PTCHD4: variants seen among roughly 807,000 people sequenced by gnomAD.
PTCHD4 encodes patched domain-containing protein 4.
PTCHD4 carries 33 observed loss-of-function variants against 58.1 expected under a neutral mutation model. The observed-to-expected ratio is 0.57, with a 90% CI of 0.43 to 0.76. PTCHD4 has a LOEUF of 0.76. PTCHD4 is among the 30% of genes least tolerant of loss of function. The probability of loss-of-function intolerance (pLI) is 0.00; values close to 1 mark genes in which losing one functional copy is unlikely to be tolerated. For missense variants in PTCHD4, 1,058 were observed against 1,027.1 expected (o/e 1.03, Z -0.41); for synonymous variants, 478 against 409.6 (o/e 1.17, Z -2.02).
chr6:47,994,853 G>T (rs1448664687), intron 4 of PTCHD4, among the ~76,000 whole-genome samples: 2 of 152,154 alleles, frequency 1.3e-5, no homozygotes, highest in Admixed American at 6.6e-5. Context: ...GAACACACTT[G>T]CTTCTGCTTT....
At chr6:48,047,971 T>C (rs984214495) in intron 3 of PTCHD4, among the ~76,000 whole-genome samples, 17 of 145,258 alleles carry the variant, frequency 1.2e-4, no homozygotes, top group Middle Eastern at 3.9e-3. Flanking sequence ...TTCTCTCACA[T>C]ATGAAAATGG....
At chr6:47,914,005 A>AT (rs369681583) in intron 4 of PTCHD4, among the ~76,000 whole-genome samples, 10 of 151,970 alleles carry the variant, frequency 6.6e-5, no homozygotes, top group African/African-American at 2.2e-4. Flanking sequence ...CATAATAGTG[A>AT]TTTTTTTTCT....
chr6:47,892,660 A>T (rs896517386), intron 4 of PTCHD4, among the ~76,000 whole-genome samples: 1 of 152,158 alleles, frequency 6.6e-6, no homozygotes, highest in South Asian at 2.1e-4. Flanking sequence ...AAATGGAAGG[A>T]CTCTTACTTT....
intron 4 of PTCHD4, among the ~76,000 whole-genome samples, chr6:47,984,490 A>C (rs2753187): frequency 0.97 from 147,665 of 152,222 alleles, 71,633 homozygotes; most frequent in East Asian, 1. Context: ...GTCCCTCCCT[A>C]GACATATGGG....
intron 1 of PTCHD4, among the ~76,000 whole-genome samples, chr6:48,081,535 T>C (rs1765167077): frequency 6.6e-6 from 1 of 152,112 alleles, no homozygotes; most frequent in South Asian, 2.1e-4. Flanking sequence ...GAGGATTAAG[T>C]GAAATAACAA....
intron 3 of PTCHD4, among the ~76,000 whole-genome samples, chr6:48,036,821 A>T (rs944636451): frequency 2.0e-5 from 3 of 152,174 alleles, no homozygotes; most frequent in African/African-American, 7.2e-5. Context: ...ATTGTGAGAA[A>T]GGAAGAAAAT....
intron 4 of PTCHD4, among the ~76,000 whole-genome samples, chr6:47,928,406 T>G (rs1765697631): frequency 6.6e-6 from 1 of 152,192 alleles, no homozygotes; most frequent in African/African-American, 2.4e-5. Flanking sequence ...GGCAGGGGCC[T>G]TGGACAGGGG....
At chr6:47,922,363 C>T (rs1163038533) in intron 4 of PTCHD4, among the ~76,000 whole-genome samples, 1 of 152,104 alleles carries the variant, frequency 6.6e-6, no homozygotes, top group Non-Finnish European at 1.5e-5. Context: ...TTCCTTTTAT[C>T]CCATCTCCAT....
Position 47,878,320 on chromosome 6 carries a change from G to A in PTCHD4, c.2515C>T (p.His839Tyr), listed in dbSNP as rs928088200. The A allele has an allele frequency of 1.3e-6, 2 of 1,598,384 alleles. No homozygotes were observed. The highest frequency in any genetic ancestry group is 1.7e-6 in the Non-Finnish European group (2 of 1,172,680). Residue 839 changes from histidine (H) to tyrosine (Y), a missense_variant, in exon 5 of 5, where the codon CAC becomes TAC. Coordinates refer to ENST00000339488, the MANE Select transcript of PTCHD4 (RefSeq NM_001384253.1). ...ECIEIQENPD[H>Y]VTTV is the part of the protein sequence containing the mutation. ...TATACCCCTCATACTGTGGTGACGTGATCCGGGTTCTCTTGAATTTCTATG... is the reference window on the plus strand; with the variant it reads ...TATACCCCTCATACTGTGGTGACGTAATCCGGGTTCTCTTGAATTTCTATG...
At chr6:47,960,145 G>C (rs1767024295) in intron 4 of PTCHD4, among the ~76,000 whole-genome samples, 1 of 152,072 alleles carries the variant, frequency 6.6e-6, no homozygotes, top group African/African-American at 2.4e-5. Flanking sequence ...ACCACTTGAA[G>C]GTAGACTGAT....
chr6:48,014,495 C>T (rs1281784896), intron 3 of PTCHD4, among the ~76,000 whole-genome samples: 1 of 152,004 alleles, frequency 6.6e-6, no homozygotes, highest in African/African-American at 2.4e-5. Flanking sequence ...GTGTGCAGCT[C>T]ACATTAATGG....
intron 3 of PTCHD4, among the ~76,000 whole-genome samples, chr6:48,043,073 T>C (rs1038715434): frequency 1.3e-5 from 2 of 151,896 alleles, no homozygotes; most frequent in African/African-American, 4.8e-5. Flanking sequence ...TTGATAATAC[T>C]GGGGAACAAA....
At chr6:48,021,524 C>G (rs942956079) in intron 3 of PTCHD4, among the ~76,000 whole-genome samples, 2 of 152,100 alleles carry the variant, frequency 1.3e-5, no homozygotes, top group Admixed American at 1.3e-4. Context: ...ATTTCATAAA[C>G]AAGGCCAAAT....
chr6:47,884,043 A>G (rs1410853318), intron 4 of PTCHD4, among the ~76,000 whole-genome samples: 1 of 126,944 alleles, frequency 7.9e-6, no homozygotes, highest in Non-Finnish European at 1.7e-5. Flanking sequence ...AACAACTTCA[A>G]GAATTTATTC....
At chr6:48,071,521 C>T (rs1764974872) in intron 1 of PTCHD4, among the ~76,000 whole-genome samples, 1 of 152,140 alleles carries the variant, frequency 6.6e-6, no homozygotes, top group Admixed American at 6.5e-5. Flanking sequence ...TAAAATAATG[C>T]ATTTGCTAAT....
At chr6:47,891,350 C>T (rs1469359849) in intron 4 of PTCHD4, among the ~76,000 whole-genome samples, 5 of 151,978 alleles carry the variant, frequency 3.3e-5, no homozygotes, top group South Asian at 2.1e-4. Flanking sequence ...GTTATCTTCT[C>T]GACCACAGAC....
At chr6:48,076,300 C>T (rs924537101) in intron 1 of PTCHD4, among the ~76,000 whole-genome samples, 32 of 152,320 alleles carry the variant, frequency 2.1e-4, no homozygotes, top group Admixed American at 1.8e-3. Context: ...CCACTGAAGT[C>T]TTAAATTCCT....
chr6:47,980,842 AAT>A (rs1201495892), intron 4 of PTCHD4, among the ~76,000 whole-genome samples: 1 of 151,696 alleles, frequency 6.6e-6, no homozygotes, highest in African/African-American at 2.4e-5. Context: ...TTGTCAAATA[AAT>A]ATATATATAT....
chr6:48,093,272 T>C (rs1309318882), intron 1 of PTCHD4, among the ~76,000 whole-genome samples: 1 of 152,146 alleles, frequency 6.6e-6, no homozygotes, highest in Non-Finnish European at 1.5e-5. Flanking sequence ...AGGTGAAGAA[T>C]TGAAATCCCC....
Sources: allele counts gnomAD v4.1 joint callset (sites outside exome capture counted in the v4.1 genomes callset), GRCh38; gene constraint gnomAD v4.1.1; transcripts MANE v1.5; gene names NCBI Gene and HGNC (gene_info 2026-07-23, HGNC 2026-07-21).